LAMA2: variants seen among roughly 807,000 people sequenced by gnomAD.
The protein encoded by LAMA2 is laminin subunit alpha-2.
In LAMA2, 269 loss-of-function variants were observed where a neutral mutation model predicts 364.8. The observed-to-expected ratio is 0.74, with a 90% CI of 0.67 to 0.82. The LOEUF is 0.82. Among genes scored for constraint, LAMA2 ranks in the 40% least tolerant of loss-of-function variants. The probability of loss-of-function intolerance (pLI) is 0.00; values close to 1 mark genes in which losing one functional copy is unlikely to be tolerated. For missense variants in LAMA2, 3,807 were observed against 3,873.2 expected (o/e 0.98, Z 0.45); for synonymous variants, 1,379 against 1,370.6 (o/e 1.01, Z -0.14).
chr6:129,056,862 C>G (rs1322485996), intron 2 of LAMA2, among the ~76,000 whole-genome samples: 2 of 150,882 alleles, frequency 1.3e-5, no homozygotes, highest in Non-Finnish European at 2.9e-5. Context: ...TCCCAAGTAG[C>G]TGGGAATACA....
rs144101336 is a variant in LAMA2, at chr6:129,310,913, A to G, written c.3175-1948A>G. Reference sequence around the variant, plus strand: ...CACGTCGGAGTTTGTAGGCAAATGCATGTCTGTAGAAGCTGCCCACCGTTC... The same window carrying G: ...CACGTCGGAGTTTGTAGGCAAATGCGTGTCTGTAGAAGCTGCCCACCGTTC... On this transcript the variant is annotated intron_variant, in intron 22 of 64. Coordinates refer to ENST00000421865, the MANE Select transcript of LAMA2 (RefSeq NM_000426.4). Among the ~76,000 whole-genome samples the G allele has an allele frequency of 8.7e-4, 133 of 152,124 alleles. 1 individual carries two copies. Among genetic ancestry groups the G allele is most frequent in the African/African-American group, 3.1e-3 (130 of 41,506 alleles).
In LAMA2 at chr6:128,960,250, A is replaced by C. The variant is rs539793433; in HGVS notation, c.112+76893A>C. The stretch of plus-strand genomic sequence containing the variant: ...TTATTTAACAATGTGTTATTTATCT[A>C]TGGAACTCTTCTTTGTTAGATATTG... On this transcript the variant is annotated intron_variant, in intron 1 of 64. Coordinates refer to ENST00000421865, the MANE Select transcript of LAMA2 (RefSeq NM_000426.4). Among the ~76,000 whole-genome samples, 148 of 151,504 alleles carry C rather than the reference A, an allele frequency of 9.8e-4. 1 individual carries two copies. Among genetic ancestry groups the C allele is most frequent in the African/African-American group, 3.5e-3 (143 of 41,350 alleles).
intron 37 of LAMA2, among the ~76,000 whole-genome samples, chr6:129,394,526 A>C (rs1233887490): frequency 6.6e-6 from 1 of 152,128 alleles, no homozygotes; most frequent in Non-Finnish European, 1.5e-5. Flanking sequence ...TCACTGATGC[A>C]CCTAACCAAT....
At chr6:128,922,297 T>C (rs1778790598) in intron 1 of LAMA2, among the ~76,000 whole-genome samples, 1 of 151,120 alleles carries the variant, frequency 6.6e-6, no homozygotes, top group Admixed American at 6.6e-5. Flanking sequence ...ACTTCCACAA[T>C]GGTTGAACTA....
At chr6:129,016,012 T>A (rs1460978920) in intron 1 of LAMA2, among the ~76,000 whole-genome samples, 1 of 152,028 alleles carries the variant, frequency 6.6e-6, no homozygotes, top group East Asian at 1.9e-4. Flanking sequence ...GCATACAATC[T>A]TTACAAAGAA....
intron 3 of LAMA2, among the ~76,000 whole-genome samples, chr6:129,097,396 G>A (rs1054374653): frequency 2.0e-4 from 30 of 151,990 alleles, no homozygotes; most frequent in African/African-American, 5.8e-4. Flanking sequence ...CTTTTTTTAC[G>A]TCTTCAAATT....
chr6:129,282,763 A>G (rs900480872), intron 18 of LAMA2, among the ~76,000 whole-genome samples: 1 of 151,952 alleles, frequency 6.6e-6, no homozygotes, highest in Non-Finnish European at 1.5e-5. Flanking sequence ...AGACCCACCA[A>G]CATCTCTACC....
At chr6:128,896,793 T>C (rs977078384) in intron 1 of LAMA2, among the ~76,000 whole-genome samples, 27 of 152,228 alleles carry the variant, frequency 1.8e-4, no homozygotes, top group African/African-American at 5.5e-4. Flanking sequence ...TATTCTTTTC[T>C]AAAATGTTTG....
At chr6:129,104,225 T>G (rs1775692250) in intron 4 of LAMA2, among the ~76,000 whole-genome samples, 2 of 152,168 alleles carry the variant, frequency 1.3e-5, no homozygotes, top group African/African-American at 4.8e-5. Flanking sequence ...CTCAAACTCC[T>G]GGCCTCAAGT....
At chr6:129,502,177 A>G (rs1244450169) in intron 58 of LAMA2, among the ~76,000 whole-genome samples, 1 of 152,200 alleles carries the variant, frequency 6.6e-6, no homozygotes, top group African/African-American at 2.4e-5. Context: ...GTCTACATTC[A>G]TGGAAACCTT....
chr6:129,158,427 T>G, intron 8 of LAMA2: 2 of 1,613,980 alleles, frequency 1.2e-6, no homozygotes, highest in Non-Finnish European at 1.7e-6. Flanking sequence ...CTGAATCTGT[T>G]TGGCAATAGT....
chr6:129,140,906 A>C (rs1778086075), intron 4 of LAMA2, among the ~76,000 whole-genome samples: 2 of 152,076 alleles, frequency 1.3e-5, no homozygotes, highest in Non-Finnish European at 2.9e-5. Context: ...TCTTTTGCTG[A>C]ATCCTTCATG....
chr6:129,462,032 C>A (rs947957407), intron 49 of LAMA2, among the ~76,000 whole-genome samples: 1 of 151,864 alleles, frequency 6.6e-6, no homozygotes, highest in African/African-American at 2.4e-5. Context: ...ATGGTCTTGA[C>A]CTGAGGTAAG....
chr6:129,282,047 C>T (rs1432633089), intron 18 of LAMA2, among the ~76,000 whole-genome samples: 1 of 152,056 alleles, frequency 6.6e-6, no homozygotes, highest in African/African-American at 2.4e-5. Context: ...TAATCAAAAC[C>T]ATTCTGTAAG....
chr6:129,133,631 C>A (rs1479004129), intron 4 of LAMA2, among the ~76,000 whole-genome samples: 1 of 152,130 alleles, frequency 6.6e-6, no homozygotes, highest in Non-Finnish European at 1.5e-5. Context: ...ATGGAATGCT[C>A]AGTCTTGAAG....
chr6:129,364,533 A>T (rs1777651369), intron 32 of LAMA2, among the ~76,000 whole-genome samples: 1 of 152,204 alleles, frequency 6.6e-6, no homozygotes, highest in Non-Finnish European at 1.5e-5. Context: ...CTGCAATGCA[A>T]AACTAAAAAT....
intron 29 of LAMA2, among the ~76,000 whole-genome samples, chr6:129,338,030 G>A (rs532480449): frequency 6.0e-4 from 92 of 152,302 alleles, no homozygotes; most frequent in African/African-American, 2.0e-3. Context: ...TAGTATGTCA[G>A]CAACCCTCTG....
At chr6:129,301,005 A>G (rs563117754) in intron 22 of LAMA2, 133 bp downstream of exon 22, 2 of 792,494 alleles carry the variant, frequency 2.5e-6, no homozygotes, top group East Asian at 5.2e-5. Context: ...ATGTGATTAC[A>G]GATATTAATC....
rs372370665 is a variant in LAMA2 at position 129,514,358 on chromosome 6, T to G, written c.8989-15T>G. On this transcript the variant is annotated splice_polypyrimidine_tract_variant and intron_variant, in intron 63 of 64. Transcript: ENST00000421865. ...AATGAAACCATCTGTGACTGTTCTA[T>G]TTCCTACTTTCCAGTTGATGTTTCA... 2 of 1,577,138 alleles carry G rather than the reference T, an allele frequency of 1.3e-6. No individual in the cohort carries two copies. The highest frequency in any genetic ancestry group is 1.7e-6 in the Non-Finnish European group (2 of 1,146,426).
Sources: allele counts gnomAD v4.1 joint callset (sites outside exome capture counted in the v4.1 genomes callset), GRCh38; gene constraint gnomAD v4.1.1; transcripts MANE v1.5; gene names NCBI Gene and HGNC (gene_info 2026-07-23, HGNC 2026-07-21).